SNX29: variants seen among roughly 807,000 people sequenced by gnomAD.
SNX29 encodes the protein sorting nexin 29.
A neutral mutation model predicts 102.1 loss-of-function variants in SNX29; 78 were observed. That is an observed-to-expected ratio of 0.76 (90% CI 0.64 to 0.92). The LOEUF (loss-of-function observed/expected upper bound fraction) is 0.92. Among genes scored for constraint, SNX29 ranks in the 40% least tolerant of loss-of-function variants. The pLI is 0.00. For synonymous variants in SNX29, 580 were observed against 414.5 expected (o/e 1.40, Z -4.85); for missense variants, 1,280 against 1,061.7 (o/e 1.21, Z -2.86).
chr16:12,494,197 C>G (rs1475185333), intron 19 of SNX29, among the ~76,000 whole-genome samples: 1 of 152,160 alleles, frequency 6.6e-6, no homozygotes, highest in Non-Finnish European at 1.5e-5. Context: ...CAACAGCGAA[C>G]TCTTGCTGTC....
At chr16:12,544,674 G>C (rs941194308) in intron 20 of SNX29, among the ~76,000 whole-genome samples, 4 of 152,198 alleles carry the variant, frequency 2.6e-5, no homozygotes, top group African/African-American at 4.8e-5. Context: ...AAGCCTTTGA[G>C]AGCGCTGTCA....
At chr16:12,019,456 C>T (rs1239367609) in intron 3 of SNX29, among the ~76,000 whole-genome samples, 1 of 151,884 alleles carries the variant, frequency 6.6e-6, no homozygotes, top group East Asian at 1.9e-4. Flanking sequence ...CTGCCCGCCT[C>T]GGCCTCCCAA....
intron 20 of SNX29, among the ~76,000 whole-genome samples, chr16:12,555,761 C>T (rs192076505): frequency 1.5e-4 from 23 of 151,990 alleles, no homozygotes; most frequent in Non-Finnish European, 5.9e-5. Flanking sequence ...TCCAACTAGC[C>T]TTCAGGCTGC....
At chr16:12,109,759 C>T (rs28700197) in intron 11 of SNX29, among the ~76,000 whole-genome samples, 19,501 of 151,392 alleles carry the variant, frequency 0.13, 1,355 homozygotes, top group East Asian at 0.24. Context: ...GACACGGAAT[C>T]CCGCTCTGTC....
At chr16:12,419,570 C>T (rs35541684) in intron 18 of SNX29, among the ~76,000 whole-genome samples, 5 of 151,696 alleles carry the variant, frequency 3.3e-5, no homozygotes, top group East Asian at 1.9e-4. Context: ...CAGCCCCCCC[C>T]CCCATCTTTC....
chr16:12,304,678 C>T (rs1403986509), intron 15 of SNX29, among the ~76,000 whole-genome samples: 3 of 152,202 alleles, frequency 2.0e-5, no homozygotes, highest in South Asian at 2.1e-4. Context: ...CAGGTGTGAG[C>T]CACCACACCT....
intron 19 of SNX29, among the ~76,000 whole-genome samples, chr16:12,501,177 G>A (rs1380884395): frequency 6.6e-6 from 1 of 152,022 alleles, no homozygotes; most frequent in Non-Finnish European, 1.5e-5. Context: ...AAGAGGATTG[G>A]TAGAGGCTAA....
At chr16:12,009,213 T>C (rs769123160) in intron 3 of SNX29, among the ~76,000 whole-genome samples, 2 of 152,106 alleles carry the variant, frequency 1.3e-5, no homozygotes, top group Non-Finnish European at 2.9e-5. Context: ...GTACATATCC[T>C]TACACCGAAA....
intron 18 of SNX29, among the ~76,000 whole-genome samples, chr16:12,448,124 A>G (rs2086145268): frequency 6.6e-6 from 1 of 152,210 alleles, no homozygotes; most frequent in African/African-American, 2.4e-5. Context: ...CTCCCCATTT[A>G]TGGATGAGCA....
chr16:12,525,329 TAAA>T (rs61166841), intron 20 of SNX29, among the ~76,000 whole-genome samples: 2 of 137,364 alleles, frequency 1.5e-5, no homozygotes, highest in African/African-American at 2.6e-5. Context: ...TTGAAAAAAG[TAAA>T]AAAAAAAAAA....
chr16:12,239,132 G>A lies in SNX29; in HGVS notation c.1679-38801G>A, dbSNP rs575479552. Among the ~76,000 whole-genome samples, 135 of 152,172 alleles carry A rather than the reference G, an allele frequency of 8.9e-4. 1 individual carries two copies. The highest frequency in any genetic ancestry group is 1.6e-3 in the Non-Finnish European group (109 of 68,020). On this transcript the variant is annotated intron_variant, in intron 14 of 20. Coordinates refer to ENST00000566228, the MANE Select transcript of SNX29 (RefSeq NM_032167.5). ...AGTGTAGTCTTTTAGCTTGGCACATGGCCTTTCTGAATAGGGCTTCTGTGA... is the reference window on the plus strand; with the variant it reads ...AGTGTAGTCTTTTAGCTTGGCACATAGCCTTTCTGAATAGGGCTTCTGTGA...
In SNX29 at chr16:12,198,827, G is replaced by A. The variant is rs544771864; in HGVS notation, c.1596-774G>A. 6.6e-5 allele frequency among the ~76,000 whole-genome samples: 10 copies of A among 152,342 alleles called. No individual in the cohort carries two copies. The South Asian group carries it at 1.0e-3, about 16-fold the overall frequency. ...TTTCTACTGAATGAAGCATCTTTCC[G>A]CTGAATGACGGATGGATGAATGAAT... is the stretch of plus-strand genomic sequence containing the variant. On this transcript the variant is annotated intron_variant, in intron 13 of 20. Coordinates refer to ENST00000566228, the MANE Select transcript of SNX29 (RefSeq NM_032167.5).
intron 16 of SNX29, among the ~76,000 whole-genome samples, chr16:12,381,323 A>G (rs62651189): frequency 0.21 from 5,135 of 24,280 alleles, 942 homozygotes; most frequent in East Asian, 0.31. Context: ...CCACCCACCC[A>G]TCGTTCATCT....
chr16:12,310,044 A>G (rs2080477774), intron 15 of SNX29, among the ~76,000 whole-genome samples: 1 of 15,228 alleles, frequency 6.6e-5, no homozygotes, highest in Non-Finnish European at 1.2e-4. Context: ...GTGTGCACAC[A>G]TATGTACACA....
chr16:12,083,724 G>A (rs568646298), intron 11 of SNX29, among the ~76,000 whole-genome samples: 1 of 152,318 alleles, frequency 6.6e-6, no homozygotes, highest in African/African-American at 2.4e-5. Flanking sequence ...TGAAGCACCT[G>A]AGATTCTCCT....
rs757780626 is a variant in SNX29, at chr16:12,048,637, G to A, written c.748+17G>A. The A allele has an allele frequency of 3.1e-6, 5 of 1,613,930 alleles. No homozygotes were observed. The highest frequency in any genetic ancestry group is 4.2e-6 in the Non-Finnish European group (5 of 1,179,862). On this transcript the variant is annotated intron_variant, in intron 7 of 20. Transcript: ENST00000566228. ...TCAGTGCTGGTGAGTGGGAACGGGT[G>A]CTCGAGGCGGAGCAGAGGGAATCAG...
At chr16:12,283,253 G>T (rs1444499794) in intron 15 of SNX29, among the ~76,000 whole-genome samples, 1 of 151,924 alleles carries the variant, frequency 6.6e-6, no homozygotes, top group Non-Finnish European at 1.5e-5. Context: ...AGCCAAGGAA[G>T]TTGTGAGGTT....
chr16:12,226,218 G>A (rs914611362), intron 14 of SNX29, among the ~76,000 whole-genome samples: 8 of 152,148 alleles, frequency 5.3e-5, no homozygotes, highest in South Asian at 2.1e-4. Context: ...AGAATAAATC[G>A]AATTAATATT....
chr16:12,482,029 C>G (rs973177017), intron 19 of SNX29, among the ~76,000 whole-genome samples: 1 of 152,230 alleles, frequency 6.6e-6, no homozygotes, highest in African/African-American at 2.4e-5. Flanking sequence ...GAATTCATTT[C>G]AAGGCCAAGC....
Sources: gnomAD v4.1 joint callset for allele counts (sites outside exome capture counted in the v4.1 genomes callset) on GRCh38, gnomAD v4.1.1 for gene constraint, MANE v1.5 for transcripts, NCBI Gene and HGNC (gene_info 2026-07-23, HGNC 2026-07-21) for gene names.